Variants in GRM4 observed in about 807,000 individuals in gnomAD.
The protein encoded by GRM4 is glutamate metabotropic receptor 4, also known as metabotropic glutamate receptor 4.
Under a neutral mutation model 81.7 loss-of-function variants are expected in GRM4, and 28 were observed. The observed-to-expected ratio is 0.34, with a 90% CI of 0.25 to 0.47. The LOEUF (loss-of-function observed/expected upper bound fraction) is 0.47. Among genes scored for constraint, GRM4 ranks in the 20% least tolerant of loss-of-function variants. The pLI is 1.00. For missense variants in GRM4, 948 were observed against 1,290.0 expected (o/e 0.73, Z 4.06); for synonymous variants, 488 against 528.8 (o/e 0.92, Z 1.06).
chr6:34,091,617 C>G (rs1768219598), intron 3 of GRM4: 8 of 527,496 alleles, frequency 1.5e-5, no homozygotes, highest in Non-Finnish European at 2.7e-5. Flanking sequence ...GCCCCGCAGG[C>G]TCCTGCACCA....
chr6:34,039,450 C>T (rs1764888709), intron 8 of GRM4, among the ~76,000 whole-genome samples: 3 of 152,072 alleles, frequency 2.0e-5, no homozygotes, highest in Non-Finnish European at 4.4e-5. Flanking sequence ...GGGCCCACCC[C>T]GGTTATGGCT....
At chr6:34,132,880 G>C (rs967838935) in intron 2 of GRM4, 98 bp downstream of exon 2, 69 of 993,344 alleles carry the variant, frequency 6.9e-5, no homozygotes, top group Non-Finnish European at 9.9e-5. Context: ...GAAAAAAGGA[G>C]GAAAAAGGGG....
chr6:34,052,215 C>G (rs902202), intron 6 of GRM4, among the ~76,000 whole-genome samples: 2 of 152,228 alleles, frequency 1.3e-5, no homozygotes, highest in Non-Finnish European at 2.9e-5. Context: ...CTCTCGCTCT[C>G]TGTGTGATGA....
chr6:34,102,012 G>A, intron 2 of GRM4: 2 of 1,535,540 alleles, frequency 1.3e-6, no homozygotes, highest in Non-Finnish European at 1.7e-6. Flanking sequence ...CCTCTCACCA[G>A]GATCCTTACC....
chr6:34,103,381 G>A (rs903364019), intron 2 of GRM4, among the ~76,000 whole-genome samples: 6 of 150,662 alleles, frequency 4.0e-5, no homozygotes, highest in Middle Eastern at 3.5e-3. Context: ...AGAAGCTGGA[G>A]AAGAATAGTG....
Position 34,069,072 on chromosome 6 carries a change from G to C in GRM4, c.737-7044C>G, listed in dbSNP as rs903163763. 6.6e-6 allele frequency among the ~76,000 whole-genome samples: 1 copy of C among 152,018 alleles called. No homozygotes were observed. Among genetic ancestry groups the C allele is most frequent in the East Asian group, 1.9e-4 (1 of 5,178 alleles). On this transcript the variant is annotated intron_variant, in intron 3 of 10. Transcript: ENST00000538487. The surrounding 1 kb of genome is among the most constrained non-coding windows in gnomAD (Gnocchi z 6.4). ...TAGGGGGTGGGGAGTTACACACAGG[G>C]ACAGGGGCAGGAGAGCAGGTCCCCC...
chr6:34,066,226 C>A (rs1766460708), intron 3 of GRM4, among the ~76,000 whole-genome samples: 1 of 152,018 alleles, frequency 6.6e-6, no homozygotes, highest in Non-Finnish European at 1.5e-5. Flanking sequence ...CACGTGGGCA[C>A]AGGAGACCCA....
At chr6:34,146,716 C>G (rs1770941065), upstream of GRM4, among the ~76,000 whole-genome samples, 1 of 152,172 alleles carries the variant, frequency 6.6e-6, no homozygotes, top group African/African-American at 2.4e-5. Flanking sequence ...AGAGGCCTCC[C>G]TCCCCATCAG....
intron 3 of GRM4, among the ~76,000 whole-genome samples, chr6:34,083,355 G>A (rs905780478): frequency 3.3e-5 from 5 of 152,212 alleles, no homozygotes; most frequent in Admixed American, 2.6e-4. Flanking sequence ...AAACAAGCGC[G>A]TGGTTCATCT....
intron 8 of GRM4, among the ~76,000 whole-genome samples, chr6:34,039,019 G>A (rs59536499): frequency 0.026 from 3,969 of 152,276 alleles, 176 homozygotes; most frequent in African/African-American, 0.088. Context: ...CCCGGCCCCC[G>A]TGCTCTGCCC....
In GRM4 at chr6:34,018,804, T is replaced by C. The variant is rs1763769235; in HGVS notation, c.*4017A>G. 6.6e-6 allele frequency: 1 copy of C among 151,018 alleles called. No homozygotes were observed. Among genetic ancestry groups the C allele is most frequent in the African/African-American group, 2.4e-5 (1 of 41,010 alleles). 9.4% of individuals were successfully genotyped at this position (151,018 alleles called of 1,614,324 possible). On this transcript the variant is annotated 3_prime_UTR_variant, in exon 11 of 11. Coordinates refer to ENST00000538487, the MANE Select transcript of GRM4 (RefSeq NM_000841.4). ...TCTGGTGCCGAGTGCCATTTAGTGCTGGGTTGGGGGTGGGGGTCTGAGCCC... is the reference window on the plus strand; with the variant it reads ...TCTGGTGCCGAGTGCCATTTAGTGCCGGGTTGGGGGTGGGGGTCTGAGCCC...
chr6:34,134,836 T>G (rs899003412), intron 1 of GRM4, among the ~76,000 whole-genome samples: 1 of 152,234 alleles, frequency 6.6e-6, no homozygotes, highest in Non-Finnish European at 1.5e-5. Flanking sequence ...AATATTTATC[T>G]GCAAGAGTAG....
Position 34,074,335 on chromosome 6 carries a change from T to C in GRM4, c.737-12307A>G, listed in dbSNP as rs1767197687. The stretch of plus-strand genomic sequence containing the variant: ...TCCCCGAGACATAGCAGGGTTGCGG[T>C]GAGGATTAGAGCGGATTGCCCGTGG... On this transcript the variant is annotated intron_variant, in intron 3 of 10. Transcript: ENST00000538487. The surrounding 1 kb of genome is among the most constrained non-coding windows in gnomAD (Gnocchi z 4.9). 6.6e-6 allele frequency among the ~76,000 whole-genome samples: 1 copy of C among 151,854 alleles called. No homozygotes were observed. Among genetic ancestry groups the C allele is most frequent in the Non-Finnish European group, 1.5e-5 (1 of 67,944 alleles).
At position 34,121,960 on chromosome 6, in the gene GRM4, A is replaced by AGG. The variant is rs147636876; in HGVS notation, c.519+11016_519+11017dup. Among the ~76,000 whole-genome samples, 1 of 131,564 alleles carries AGG rather than the reference A, an allele frequency of 7.6e-6. No individual in the cohort carries two copies. Among genetic ancestry groups the AGG allele is most frequent in the East Asian group, 2.5e-4 (1 of 3,986 alleles). 86.3% of individuals were successfully genotyped at this position (131,564 alleles called of 152,430 possible). A position where few individuals can be genotyped will look rare whatever the true frequency, so the allele number is the denominator to read the frequency against. On this transcript the variant is annotated intron_variant, in intron 2 of 10. Coordinates refer to ENST00000538487, the MANE Select transcript of GRM4 (RefSeq NM_000841.4). This position sits in a 1 kb window ranked among gnomAD's most constrained non-coding sequence, Gnocchi z 4.6. ...GGGATTGAGGGGCACCCTGAGTCGG[A>AGG]GGGAGGGGTCTGGGTGGGGCGGGTG...
intron 3 of GRM4, among the ~76,000 whole-genome samples, chr6:34,067,978 C>T (rs1052622837): frequency 1.2e-4 from 18 of 152,340 alleles, no homozygotes; most frequent in Middle Eastern, 3.4e-3. Flanking sequence ...TCGTGGAGCC[C>T]GCAGACGTGT....
chr6:34,086,586 C>T (rs1010639669), intron 3 of GRM4, among the ~76,000 whole-genome samples: 8 of 152,332 alleles, frequency 5.3e-5, no homozygotes, highest in African/African-American at 1.9e-4. Context: ...GCTAGATGCA[C>T]TTACCTGAGA....
intron 6 of GRM4, among the ~76,000 whole-genome samples, chr6:34,050,040 C>T (rs1765536348): frequency 1.3e-5 from 2 of 152,188 alleles, no homozygotes; most frequent in Non-Finnish European, 2.9e-5. Context: ...ACAAACTGCC[C>T]ACAAGGCCCA....
intron 5 of GRM4, 57 bp from the exon 6 acceptor site, chr6:34,056,741 C>CCCTCCCCG: frequency 6.4e-7 from 1 of 1,567,286 alleles, no homozygotes; most frequent in South Asian, 1.2e-5. Context: ...CCAGCCCCAG[C>CCCTCCCCG]CCTCCCCGCC....
rs1325773806 is a variant in GRM4, at chr6:34,042,626, G to A, written c.1169-1878C>T. ...TCAGCTAGAGGGCACATGCCACACT[G>A]CACAGAGGCAATTCCCCAGAGGGCA... On this transcript the variant is annotated intron_variant, in intron 6 of 10. Transcript: ENST00000538487. The surrounding 1 kb of genome is among the most constrained non-coding windows in gnomAD (Gnocchi z 4.2). Among the ~76,000 whole-genome samples, 2 of 152,188 alleles carry A rather than the reference G, an allele frequency of 1.3e-5. No homozygotes were observed. The highest frequency in any genetic ancestry group is 2.9e-5 in the Non-Finnish European group (2 of 68,010).
Sources: gnomAD v4.1 joint callset for allele counts (sites outside exome capture counted in the v4.1 genomes callset) on GRCh38, gnomAD v4.1.1 for gene constraint, Gnocchi (gnomAD v3.1) non-coding constraint, MANE v1.5 for transcripts, NCBI Gene and HGNC (gene_info 2026-07-23, HGNC 2026-07-21) for gene names.